DIAPH3: variants seen among roughly 807,000 people sequenced by gnomAD.
DIAPH3 encodes diaphanous related formin 3.
In DIAPH3, 117 loss-of-function variants were observed where a neutral mutation model predicts 144.3. The ratio of observed to expected loss-of-function variants is 0.81; its 90% confidence interval spans 0.70 to 0.95. The LOEUF (loss-of-function observed/expected upper bound fraction) is 0.95. Among genes scored for constraint, DIAPH3 ranks in the 40% least tolerant of loss-of-function variants. The probability of loss-of-function intolerance (pLI) is 0.00; values close to 1 mark genes in which losing one functional copy is unlikely to be tolerated. For missense variants in DIAPH3, 1,421 were observed against 1,412.7 expected, an observed-to-expected ratio of 1.01 and a Z score of -0.09; for synonymous variants, 519 against 488.9, an observed-to-expected ratio of 1.06 and a Z score of -0.81.
chr13:59,788,389 G>A (rs73208938), intron 25 of DIAPH3, among the ~76,000 whole-genome samples: 6,525 of 152,234 alleles, frequency 0.043, 162 homozygotes, highest in African/African-American at 0.051. Flanking sequence ...GAAGGCCAAC[G>A]TGGGTGAATC....
At chr13:60,026,676 AC>A (rs2054396362) in intron 5 of DIAPH3, among the ~76,000 whole-genome samples, 1 of 152,188 alleles carries the variant, frequency 6.6e-6, no homozygotes. Context: ...AACTTTTTTA[AC>A]CAACCAACCA....
chr13:59,782,531 TTGTAGACATTGATAAA>T (rs1566301662), intron 25 of DIAPH3, among the ~76,000 whole-genome samples: 1 of 152,122 alleles, frequency 6.6e-6, no homozygotes, highest in Non-Finnish European at 1.5e-5. Context: ...ATTTAGGAAT[TTGTAGACATTGATAAA>T]TACAAGATAG....
At chr13:60,093,224 A>G (rs2058007562) in intron 4 of DIAPH3, among the ~76,000 whole-genome samples, 1 of 152,212 alleles carries the variant, frequency 6.6e-6, no homozygotes, top group Admixed American at 6.5e-5. Flanking sequence ...ATTCATAGGG[A>G]GACTCACATT....
intron 3 of DIAPH3, among the ~76,000 whole-genome samples, chr13:60,110,253 A>G (rs1415325713): frequency 1.3e-5 from 2 of 152,252 alleles, no homozygotes; most frequent in African/African-American, 4.8e-5. Context: ...ATGCCAAAGC[A>G]AAGAACCTAG....
chr13:59,971,166 GA>G lies in DIAPH3; in HGVS notation c.1651-7del, dbSNP rs1299499153. The G allele has an allele frequency of 1.3e-6, 2 of 1,561,068 alleles. No individual in the cohort carries two copies. The highest frequency in any genetic ancestry group is 2.0e-5 in the Admixed American group (1 of 51,220). Reference sequence around the variant, plus strand: ...TCAGCTGGCAAGGCACCAAACTGGAGAAAAAAACAATAAGAGACATAACTAA... The same window carrying G: ...TCAGCTGGCAAGGCACCAAACTGGAGAAAAAACAATAAGAGACATAACTAA... On this transcript the variant is annotated splice_polypyrimidine_tract_variant and splice_region_variant and intron_variant, in intron 15 of 27. Coordinates refer to ENST00000400324, the MANE Select transcript of DIAPH3 (RefSeq NM_001042517.2).
At chr13:59,810,170 G>GT (rs1176737513) in intron 25 of DIAPH3, among the ~76,000 whole-genome samples, 10 of 151,324 alleles carry the variant, frequency 6.6e-5, no homozygotes, top group African/African-American at 9.7e-5. Flanking sequence ...TCTTTTTGTT[G>GT]TTTTTTTGAA....
chr13:59,867,971 T>C (rs951132554), intron 21 of DIAPH3, among the ~76,000 whole-genome samples: 1 of 152,090 alleles, frequency 6.6e-6, no homozygotes, highest in African/African-American at 2.4e-5. Context: ...TACAAGATAC[T>C]GCTTCAGCAA....
intron 27 of DIAPH3, among the ~76,000 whole-genome samples, chr13:59,667,465 G>C (rs987119966): frequency 6.6e-6 from 1 of 152,136 alleles, no homozygotes; most frequent in Non-Finnish European, 1.5e-5. Context: ...TTAAACATTA[G>C]CTTGAATAAT....
At chr13:59,886,627 C>G (rs1341892557) in intron 20 of DIAPH3, among the ~76,000 whole-genome samples, 3 of 152,012 alleles carry the variant, frequency 2.0e-5, no homozygotes, top group Admixed American at 6.6e-5. Context: ...CAACTTCTTT[C>G]ATTTCTCTCA....
chr13:59,864,391 G>A (rs2043790174), intron 21 of DIAPH3, among the ~76,000 whole-genome samples: 2 of 151,866 alleles, frequency 1.3e-5, no homozygotes, highest in Non-Finnish European at 2.9e-5. Context: ...TGACTACTTG[G>A]GGAACACTGT....
At chr13:59,705,969 T>A (rs1260160441) in intron 27 of DIAPH3, among the ~76,000 whole-genome samples, 1 of 151,768 alleles carries the variant, frequency 6.6e-6, no homozygotes, top group East Asian at 1.9e-4. Context: ...ACTGTTGTTA[T>A]CTAGTAGGAC....
chr13:60,123,473 A>G (rs2138161742), intron 2 of DIAPH3, among the ~76,000 whole-genome samples: 1 of 152,328 alleles, frequency 6.6e-6, no homozygotes, highest in East Asian at 1.9e-4. Flanking sequence ...TGATTTGAGG[A>G]GGAGCTCTCT....
At chr13:59,919,549 T>C (rs1222528667) in intron 18 of DIAPH3, among the ~76,000 whole-genome samples, 2 of 152,058 alleles carry the variant, frequency 1.3e-5, no homozygotes, top group South Asian at 4.1e-4. Flanking sequence ...TAAGAATACT[T>C]TACCGTCAAA....
chr13:60,082,940 C>G (rs1051073625), intron 4 of DIAPH3, among the ~76,000 whole-genome samples: 1 of 152,060 alleles, frequency 6.6e-6, no homozygotes, highest in East Asian at 1.9e-4. Flanking sequence ...TTTTTACATA[C>G]ACATCCACAC....
intron 25 of DIAPH3, among the ~76,000 whole-genome samples, chr13:59,795,533 C>A (rs1290628436): frequency 6.6e-6 from 1 of 151,296 alleles, no homozygotes; most frequent in African/African-American, 2.4e-5. Flanking sequence ...CAGCTCACTG[C>A]GAGCTCCGCC....
chr13:60,111,608 A>C (rs1019401287), intron 3 of DIAPH3, among the ~76,000 whole-genome samples: 4 of 152,164 alleles, frequency 2.6e-5, no homozygotes, highest in Non-Finnish European at 4.4e-5. Context: ...TGAGCATCTA[A>C]CTAATGCCTG....
At chr13:59,906,250 G>A (rs1055850008) in intron 20 of DIAPH3, among the ~76,000 whole-genome samples, 5 of 152,068 alleles carry the variant, frequency 3.3e-5, no homozygotes, top group South Asian at 2.1e-4. Context: ...TAAAATGCAC[G>A]AATTTAAAAA....
intron 1 of DIAPH3, among the ~76,000 whole-genome samples, chr13:60,150,217 G>T (rs557945427): frequency 1.3e-5 from 2 of 152,122 alleles, no homozygotes; most frequent in South Asian, 2.1e-4. Context: ...TACAGACGGG[G>T]TTTCACCATG....
In DIAPH3 at chr13:59,837,140, A is replaced by G. The variant is rs118098065; in HGVS notation, c.2862+2184T>C. ...AGCTTTGTCAATAGCAAAGTGCACC[A>G]ACTGTTCATATATCTGACTTCCAAG... On this transcript the variant is annotated intron_variant, in intron 23 of 27. Coordinates refer to ENST00000400324, the MANE Select transcript of DIAPH3 (RefSeq NM_001042517.2). Among the ~76,000 whole-genome samples, 105 of 152,222 alleles carry G rather than the reference A, an allele frequency of 6.9e-4. 1 individual carries two copies. In the East Asian group the frequency reaches 0.019, roughly 28 times the overall value.
Sources: allele counts gnomAD v4.1 joint callset (sites outside exome capture counted in the v4.1 genomes callset), GRCh38; gene constraint gnomAD v4.1.1; transcripts MANE v1.5; gene names NCBI Gene and HGNC (gene_info 2026-07-23, HGNC 2026-07-21).